The following METTL25 variants were observed in gnomAD, a reference collection of about 807,000 sequenced individuals.
The protein encoded by METTL25 is probable methyltransferase-like protein 25.
A neutral mutation model predicts 71.6 loss-of-function variants in METTL25; 64 were observed. That is an observed-to-expected ratio of 0.89 (90% CI 0.73 to 1.10). The LOEUF (loss-of-function observed/expected upper bound fraction) is 1.10, where lower values mean the gene tolerates loss of function less well. Ranked by LOEUF, METTL25 falls within the 50% of genes least tolerant of loss-of-function variation. METTL25 has a pLI of 0.00. For missense variants in METTL25, 807 were observed against 707.0 expected, an observed-to-expected ratio of 1.14 and a Z score of -1.60; for synonymous variants, 287 against 250.3, an observed-to-expected ratio of 1.15 and a Z score of -1.38.
intron 8 of METTL25, chr12:82,451,235 TC>T (rs1277195090): frequency 1.1e-6 from 1 of 922,050 alleles, no homozygotes; most frequent in African/African-American, 1.8e-5. Context: ...TCATGCAGTA[TC>T]CTCCTCTTTA....
At chr12:82,376,647 A>G (rs567590138) in intron 1 of METTL25, among the ~76,000 whole-genome samples, 5 of 152,324 alleles carry the variant, frequency 3.3e-5, no homozygotes, top group Admixed American at 3.3e-4. Flanking sequence ...AACACAGTGA[A>G]CCTATCCTTT....
intron 9 of METTL25, among the ~76,000 whole-genome samples, chr12:82,461,260 A>G (rs904337528): frequency 2.0e-5 from 3 of 152,238 alleles, no homozygotes; most frequent in African/African-American, 7.2e-5. Context: ...ACTGTTATAT[A>G]TTTATTTTTT....
At chr12:82,411,980 A>G (rs1016164912) in intron 5 of METTL25, among the ~76,000 whole-genome samples, 5 of 152,090 alleles carry the variant, frequency 3.3e-5, no homozygotes, top group Non-Finnish European at 1.5e-5. Flanking sequence ...TCCTCTTCCA[A>G]ACGTGCGATC....
chr12:82,464,461 A>G (rs769964521), intron 9 of METTL25, among the ~76,000 whole-genome samples: 20 of 151,802 alleles, frequency 1.3e-4, no homozygotes, highest in Non-Finnish European at 2.8e-4. Context: ...GTTCTATTGC[A>G]TTTGTCTGTG....
At chr12:82,433,947 A>C (rs1302760611) in intron 6 of METTL25, among the ~76,000 whole-genome samples, 1 of 151,290 alleles carries the variant, frequency 6.6e-6, no homozygotes, top group East Asian at 1.9e-4. Flanking sequence ...ATATCTAAAA[A>C]CTCAAAGTTT....
chr12:82,441,806 A>AACACACACACACACACAC (rs57098687), intron 8 of METTL25, among the ~76,000 whole-genome samples: 3,196 of 133,930 alleles, frequency 0.024, 69 homozygotes, highest in Middle Eastern at 0.034. Flanking sequence ...AAAAAATAGA[A>AACACACACACACACACAC]ACACACACAC....
rs1592651171 is a variant in METTL25 at position 82,398,896 on chromosome 12, T to A, written c.633T>A (p.His211Gln). The change falls in exon 4 of 12, where the codon CAT becomes CAA. Residue 211 changes from histidine (H) to glutamine (Q), a missense_variant. Coordinates refer to ENST00000248306, the MANE Select transcript of METTL25 (RefSeq NM_032230.3). The part of the protein sequence containing the change: ...YGIDSSNTNT[H>Q]GAEERNRKLK... ...TTGATTCTTCAAATACCAATACTCA[T>A]GGAGCTGAGGAGAGAAACAGAAAAT... 3.7e-6 allele frequency: 6 copies of A among 1,612,004 alleles called. No homozygotes were observed. The highest frequency in any genetic ancestry group is 3.4e-6 in the Non-Finnish European group (4 of 1,179,380).
At chr12:82,409,149 G>A (rs1887348794) in intron 5 of METTL25, among the ~76,000 whole-genome samples, 1 of 152,104 alleles carries the variant, frequency 6.6e-6, no homozygotes, top group South Asian at 2.1e-4. Flanking sequence ...GACCATGCAG[G>A]TAGTCTGTCA....
intron 3 of METTL25, among the ~76,000 whole-genome samples, chr12:82,393,776 A>G (rs919370757): frequency 6.6e-6 from 1 of 151,230 alleles, no homozygotes; most frequent in Admixed American, 6.6e-5. Flanking sequence ...CTTTTCCTCT[A>G]TTAATTTTAG....
chr12:82,463,378 A>T (rs1439239416), intron 9 of METTL25, among the ~76,000 whole-genome samples: 3 of 151,838 alleles, frequency 2.0e-5, no homozygotes, highest in Non-Finnish European at 4.4e-5. Context: ...CTAATGATCT[A>T]CAGTTCTACA....
In METTL25 at chr12:82,358,666, C is replaced by G. The variant is rs766016822; in HGVS notation, c.101C>G (p.Ser34Cys). The change falls in exon 1 of 12, where the codon TCC becomes TGC. Residue 34 changes from serine (S) to cysteine (C), a missense_variant. Transcript: ENST00000248306. ...LQFLRDALSI[S>C]NAHTVDFYTE... ...TTCCTGAGGGATGCCCTGTCCATTT[C>G]CAATGCACATACCGTGGATTTCTAC... 22 of 1,614,038 alleles carry G rather than the reference C, an allele frequency of 1.4e-5. No homozygotes were observed. The Admixed American group carries it at 3.5e-4, about 26-fold the overall frequency.
rs1057284576 is a variant in METTL25 at position 82,437,172 on chromosome 12, A to G, written c.1405-1546A>G. Among the ~76,000 whole-genome samples, 13 of 151,666 alleles carry G rather than the reference A, an allele frequency of 8.6e-5. 1 individual carries two copies. Among genetic ancestry groups the G allele is most frequent in the African/African-American group, 2.4e-5 (1 of 41,386 alleles). ...TTTTTAAGGAAAGTTAAGTTTTGAA[A>G]TCCATCGTTTTTTCCTCAAGTGAAG... On this transcript the variant is annotated intron_variant, in intron 7 of 11. Transcript: ENST00000248306.
intron 10 of METTL25, 90 bp from the exon 11 acceptor site, chr12:82,477,191 A>T: frequency 3.3e-6 from 2 of 599,750 alleles, no homozygotes; most frequent in Admixed American, 5.6e-5. Context: ...ACTTCTGTAG[A>T]TACATTTATT....
intron 5 of METTL25, among the ~76,000 whole-genome samples, chr12:82,403,464 G>A (rs1886819355): frequency 6.6e-6 from 1 of 152,144 alleles, no homozygotes; most frequent in Non-Finnish European, 1.5e-5. Context: ...TAGTAAAACT[G>A]AGTTATTTTG....
chr12:82,363,731 T>TAA (rs34795073), intron 1 of METTL25, among the ~76,000 whole-genome samples: 5,219 of 143,854 alleles, frequency 0.036, 112 homozygotes, highest in Middle Eastern at 0.082. Flanking sequence ...ACTAGATGTT[T>TAA]AAAAAAAAAA....
intron 9 of METTL25, among the ~76,000 whole-genome samples, chr12:82,467,938 G>A (rs1180951440): frequency 6.6e-6 from 1 of 151,776 alleles, no homozygotes; most frequent in East Asian, 1.9e-4. Context: ...TTGCTTGGTG[G>A]TCTTAAGGGT....
intron 1 of METTL25, among the ~76,000 whole-genome samples, chr12:82,368,525 C>T (rs1390321225): frequency 6.6e-6 from 1 of 152,090 alleles, no homozygotes; most frequent in Non-Finnish European, 1.5e-5. Flanking sequence ...TCTGCCTGGC[C>T]CCCTAAGGTA....
At chr12:82,378,393 G>A (rs550094694) in intron 1 of METTL25, among the ~76,000 whole-genome samples, 2 of 152,302 alleles carry the variant, frequency 1.3e-5, no homozygotes, top group Non-Finnish European at 2.9e-5. Flanking sequence ...AACAAGATCT[G>A]GTGGAGATAG....
At chr12:82,380,863 A>G (rs1194975668) in intron 1 of METTL25, among the ~76,000 whole-genome samples, 1 of 152,216 alleles carries the variant, frequency 6.6e-6, no homozygotes, top group Non-Finnish European at 1.5e-5. Flanking sequence ...ACTGTCAGAG[A>G]AGTTTTCACC....
Sources: allele counts gnomAD v4.1 joint callset (sites outside exome capture counted in the v4.1 genomes callset), GRCh38; gene constraint gnomAD v4.1.1; transcripts MANE v1.5; gene names NCBI Gene and HGNC (gene_info 2026-07-23, HGNC 2026-07-21).